Variants in KDM2A observed in about 807,000 individuals in gnomAD.
KDM2A encodes lysine-specific demethylase 2A.
In KDM2A, 3 loss-of-function variants were observed where a neutral mutation model predicts 137.3. That is an observed-to-expected ratio of 0.02 (90% CI 0.01 to 0.06). The LOEUF (loss-of-function observed/expected upper bound fraction) is 0.06. Among genes scored for constraint, KDM2A ranks in the 10% least tolerant of loss-of-function variants. The pLI is 1.00. For missense variants in KDM2A, 738 were observed against 1,510.6 expected, an observed-to-expected ratio of 0.49 and a Z score of 8.48; for synonymous variants, 512 against 541.5, an observed-to-expected ratio of 0.95 and a Z score of 0.76.
intron 2 of KDM2A, among the ~76,000 whole-genome samples, chr11:67,142,602 G>A (rs546953348): frequency 2.1e-4 from 32 of 150,256 alleles, no homozygotes; most frequent in African/African-American, 6.6e-4. Flanking sequence ...TTGGGGGGGC[G>A]TCAAGGCAAG....
Position 67,253,610 on chromosome 11 carries a change from A to G in KDM2A, c.3090A>G (p.Pro1030=). The G allele has an allele frequency of 1.2e-6, 2 of 1,613,858 alleles. No individual in the cohort carries two copies. Among genetic ancestry groups the G allele is most frequent in the Non-Finnish European group, 1.7e-6 (2 of 1,179,798 alleles). The change falls in exon 19 of 21, where the codon CCA becomes CCG. Residue 1030 remains proline (P), a splice_region_variant and synonymous_variant. Coordinates refer to ENST00000529006, the MANE Select transcript of KDM2A (RefSeq NM_012308.3). ...RDLLTPPADK[P]GQDNRSKLRN... ...TGCTTACTCCACCGGCTGATAAACC[A>G]GGTATGCTCTGGACCTGACTTCTCT...
intron 2 of KDM2A, among the ~76,000 whole-genome samples, chr11:67,173,850 C>T (rs971577314): frequency 6.6e-6 from 1 of 151,984 alleles, no homozygotes. Flanking sequence ...GTAGTACAGG[C>T]GCACATTACC....
intron 2 of KDM2A, among the ~76,000 whole-genome samples, chr11:67,141,682 A>AATAT (rs200949810): frequency 1.5e-4 from 18 of 119,334 alleles, no homozygotes; most frequent in Non-Finnish European, 2.1e-4. Context: ...AAAAAAAAAA[A>AATAT]ATATATATAT....
At chr11:67,153,649 T>C (rs1029260922) in intron 2 of KDM2A, among the ~76,000 whole-genome samples, 6 of 152,090 alleles carry the variant, frequency 3.9e-5, no homozygotes, top group African/African-American at 1.2e-4. Flanking sequence ...TAAGACCCAA[T>C]GTCTACAAAA....
intron 12 of KDM2A, chr11:67,240,124 T>C (rs1858983529): frequency 7.1e-7 from 1 of 1,398,636 alleles, no homozygotes; most frequent in African/African-American, 1.4e-5. Context: ...GCGGCTGAGC[T>C]GAAGGGCTCG....
intron 2 of KDM2A, among the ~76,000 whole-genome samples, chr11:67,167,759 T>G (rs2136322373): frequency 6.6e-6 from 1 of 152,332 alleles, no homozygotes; most frequent in South Asian, 2.1e-4. Context: ...AACTGTTCTA[T>G]GTACTGTTGA....
At chr11:67,179,970 G>A in intron 2 of KDM2A, 109 bp from the exon 3 acceptor site, 4 of 1,046,138 alleles carry the variant, frequency 3.8e-6, no homozygotes, top group South Asian at 1.8e-5. Flanking sequence ...AAGGAAAATA[G>A]CAACTGAGTT....
chr11:67,161,880 G>T (rs1856646879), intron 2 of KDM2A, among the ~76,000 whole-genome samples: 1 of 152,080 alleles, frequency 6.6e-6, no homozygotes, highest in Non-Finnish European at 1.5e-5. Context: ...ATGTATATTT[G>T]TATATTCTTT....
Position 67,119,631 on chromosome 11 carries a change from G to C in KDM2A, c.-502G>C, listed in dbSNP as rs1185742763. Reference sequence around the variant, plus strand: ...GCCGGGGCCCGCGTTCCGGGGGGCCGGGGCGGCGCGGGGAGCCTCGGGCCG... The same window carrying C: ...GCCGGGGCCCGCGTTCCGGGGGGCCCGGGCGGCGCGGGGAGCCTCGGGCCG... On this transcript the variant is annotated 5_prime_UTR_variant, in exon 1 of 21. Transcript: ENST00000529006. 1 of 149,026 alleles carries C rather than the reference G, an allele frequency of 6.7e-6. No homozygotes were observed. The highest frequency in any genetic ancestry group is 6.7e-5 in the Admixed American group (1 of 15,004). 9.2% of individuals were successfully genotyped at this position (149,026 alleles called of 1,614,324 possible). A position where few individuals can be genotyped will look rare whatever the true frequency, so the allele number is the denominator to read the frequency against.
intron 2 of KDM2A, among the ~76,000 whole-genome samples, chr11:67,167,124 G>A (rs1297444838): frequency 6.6e-6 from 1 of 152,124 alleles, no homozygotes; most frequent in Non-Finnish European, 1.5e-5. Context: ...GCTTTTGTTA[G>A]CACCCAAGGA....
chr11:67,134,920 C>T (rs1176562410), intron 2 of KDM2A, among the ~76,000 whole-genome samples: 1 of 152,186 alleles, frequency 6.6e-6, no homozygotes, highest in Non-Finnish European at 1.5e-5. Context: ...TGAATTTTCA[C>T]AAAACTAACT....
intron 5 of KDM2A, among the ~76,000 whole-genome samples, chr11:67,200,192 C>T (rs1193762004): frequency 6.6e-6 from 1 of 151,840 alleles, no homozygotes; most frequent in Non-Finnish European, 1.5e-5. Flanking sequence ...TGGGAATGTA[C>T]AAAGAGATTA....
At chr11:67,202,488 G>A (rs955831108) in intron 5 of KDM2A, among the ~76,000 whole-genome samples, 1 of 152,018 alleles carries the variant, frequency 6.6e-6, no homozygotes, top group African/African-American at 2.4e-5. Flanking sequence ...TTTAAGAAAT[G>A]TCAGCTGGGC....
chr11:67,178,887 G>T (rs1441811236), intron 2 of KDM2A, among the ~76,000 whole-genome samples: 1 of 152,122 alleles, frequency 6.6e-6, no homozygotes, highest in Non-Finnish European at 1.5e-5. Context: ...AAAGAAGAAC[G>T]TATGTTTTCA....
intron 15 of KDM2A, 99 bp downstream of exon 15, chr11:67,246,215 T>C: frequency 7.7e-7 from 1 of 1,302,514 alleles, no homozygotes; most frequent in Non-Finnish European, 1.1e-6. Context: ...ATCCCTACTG[T>C]AGGCCATCAG....
At chr11:67,131,713 A>C (rs1002716623) in intron 2 of KDM2A, among the ~76,000 whole-genome samples, 1 of 152,114 alleles carries the variant, frequency 6.6e-6, no homozygotes, top group African/African-American at 2.4e-5. Context: ...CTTTCCGCCT[A>C]CTTTAACATT....
chr11:67,247,516 C>T (rs1859287994), intron 15 of KDM2A, among the ~76,000 whole-genome samples: 1 of 140,772 alleles, frequency 7.1e-6, no homozygotes, highest in Non-Finnish European at 1.5e-5. Flanking sequence ...CAGCCTCCAT[C>T]TTCTGGGTTC....
intron 6 of KDM2A, among the ~76,000 whole-genome samples, chr11:67,210,663 A>T (rs1230413662): frequency 1.3e-5 from 2 of 152,246 alleles, no homozygotes; most frequent in Non-Finnish European, 2.9e-5. Flanking sequence ...GGGACCTAAA[A>T]CATGAAAGAT....
chr11:67,223,261 G>A (rs554690683), intron 10 of KDM2A, among the ~76,000 whole-genome samples: 88 of 151,746 alleles, frequency 5.8e-4, no homozygotes, highest in African/African-American at 2.1e-3. Context: ...TGCGGCATAA[G>A]TAAAAAGCAA....
Sources: allele counts gnomAD v4.1 joint callset (sites outside exome capture counted in the v4.1 genomes callset), GRCh38; gene constraint gnomAD v4.1.1; transcripts MANE v1.5; gene names NCBI Gene and HGNC (gene_info 2026-07-23, HGNC 2026-07-21).